SPC25: variants seen among roughly 807,000 people sequenced by gnomAD.
SPC25 encodes the protein kinetochore protein Spc25.
Under a neutral mutation model 29.6 loss-of-function variants are expected in SPC25, and 22 were observed. The observed-to-expected ratio is 0.74, with a 90% confidence interval of 0.53 to 1.06. The LOEUF is 1.06. Among genes scored for constraint, SPC25 ranks in the 50% least tolerant of loss-of-function variants. SPC25 has a pLI of 0.00. For synonymous variants in SPC25, 91 were observed against 90.4 expected (o/e 1.01, Z -0.04); for missense variants, 230 against 255.8 (o/e 0.90, Z 0.69).
chr2:168,864,041 C>T (rs1302565917), intron 4 of SPC25, among the ~76,000 whole-genome samples: 1 of 151,462 alleles, frequency 6.6e-6, no homozygotes, highest in Middle Eastern at 3.2e-3. Flanking sequence ...CTCCCAAGCT[C>T]ACTGCAACCT....
Position 168,890,302 on chromosome 2 carries a change from C to T in SPC25, c.-15+16G>A, listed in dbSNP as rs1690373248. Reference sequence around the variant, plus strand: ...AGGGGGGCCAAGGAGCCCAGCTCGGCGCCCAACTCCCTTACCTTCGCAGGC... The same window carrying T: ...AGGGGGGCCAAGGAGCCCAGCTCGGTGCCCAACTCCCTTACCTTCGCAGGC... On this transcript the variant is annotated intron_variant, in intron 1 of 6. Coordinates refer to ENST00000282074, the MANE Select transcript of SPC25 (RefSeq NM_020675.4). 2.0e-6 allele frequency: 2 copies of T among 982,114 alleles called. No individual in the cohort carries two copies. Among genetic ancestry groups the T allele is most frequent in the Non-Finnish European group, 2.4e-6 (2 of 826,884 alleles). 60.8% of individuals were successfully genotyped at this position (982,114 alleles called of 1,614,324 possible).
At chr2:168,873,739 C>G (rs950247106) in intron 5 of SPC25, 56 bp from the exon 6 acceptor site, 10 of 1,115,588 alleles carry the variant, frequency 9.0e-6, no homozygotes, top group Non-Finnish European at 1.4e-5. Flanking sequence ...GATACCCTTT[C>G]TTACTCCATC....
At position 168,862,000 on chromosome 2, in the gene SPC25, C is replaced by T. The variant is rs757389670; in HGVS notation, n.419+11585G>A. 2.4e-5 allele frequency: 38 copies of T among 1,614,048 alleles called. 1 individual carries two copies. In the African/African-American group the frequency reaches 3.6e-4, roughly 15 times the overall value. On this transcript the variant is annotated intron_variant and non_coding_transcript_variant, in intron 4 of 4. Coordinates refer to the SPC25 transcript ENST00000479309. ...AGCTCAGCAGCAGACTTTGCAAGGC[C>T]TTGTATTCTTTTCAAGCCAGGCAAG... is the stretch of plus-strand genomic sequence containing the variant.
At position 168,871,284 on chromosome 2, in the gene SPC25, A is replaced by G. The variant is rs1689977600; in HGVS notation, c.*147T>C. 2 of 671,052 alleles carry G rather than the reference A, an allele frequency of 3.0e-6. No individual in the cohort carries two copies. Among genetic ancestry groups the G allele is most frequent in the Non-Finnish European group, 4.7e-6 (2 of 427,932 alleles). The allele number at this position is 671,052 out of a possible 1,614,324, so 41.6% of individuals were successfully genotyped here. A position where few individuals can be genotyped will look rare whatever the true frequency, so the allele number is the denominator to read the frequency against. ...ACGAGTTAATGGGTGCAGCACACCAATATGGCACATGTATACATATGTAAC... is the reference window on the plus strand; with the variant it reads ...ACGAGTTAATGGGTGCAGCACACCAGTATGGCACATGTATACATATGTAAC... On this transcript the variant is annotated 3_prime_UTR_variant, in exon 7 of 7. Coordinates refer to ENST00000282074, the MANE Select transcript of SPC25 (RefSeq NM_020675.4).
chr2:168,872,805 C>G (rs989711151), intron 6 of SPC25, among the ~76,000 whole-genome samples: 1 of 152,050 alleles, frequency 6.6e-6, no homozygotes, highest in African/African-American at 2.4e-5. Flanking sequence ...TATAAGAAAT[C>G]AGATTCTCAA....
At chr2:168,863,489 G>A (rs911799443) in intron 4 of SPC25, 2 of 985,214 alleles carry the variant, frequency 2.0e-6, no homozygotes, top group Admixed American at 1.2e-4. Context: ...CCTGAAGGGG[G>A]CAGATCTTTC....
chr2:168,865,100 A>G (rs1030573945), intron 4 of SPC25: 43 of 934,164 alleles, frequency 4.6e-5, no homozygotes, highest in Non-Finnish European at 6.2e-5. Context: ...TGCATGTCAC[A>G]GCACTTTGCA....
At chr2:168,868,468 T>C (rs1689914182), downstream of SPC25, among the ~76,000 whole-genome samples, 1 of 151,826 alleles carries the variant, frequency 6.6e-6, no homozygotes, top group Non-Finnish European at 1.5e-5. Flanking sequence ...GCAAGACTAA[T>C]TAAGAAGAAA....
intron 4 of SPC25, chr2:168,865,587 C>A (rs143890740): frequency 6.6e-6 from 1 of 152,286 alleles, no homozygotes; most frequent in Non-Finnish European, 1.5e-5. Context: ...TCTCACCACT[C>A]CTATTCAACA....
At chr2:168,889,587 C>A in intron 1 of SPC25, 54 bp from the exon 2 acceptor site, 1 of 1,535,146 alleles carries the variant, frequency 6.5e-7, no homozygotes, top group South Asian at 1.2e-5. Flanking sequence ...AAATCACCCA[C>A]ATATTCCAAT....
At chr2:168,863,508 T>A in intron 4 of SPC25, 1 of 985,406 alleles carries the variant, frequency 1.0e-6, no homozygotes, top group Non-Finnish European at 1.2e-6. Flanking sequence ...TCTACTTTTA[T>A]GACAAGAGCC....
At chr2:168,869,239 C>G (rs1322227792), downstream of SPC25, among the ~76,000 whole-genome samples, 2 of 152,190 alleles carry the variant, frequency 1.3e-5, no homozygotes, top group African/African-American at 4.8e-5. Context: ...GACAAACCCA[C>G]AGCCAATATC....
At chr2:168,879,478 C>G (rs1034058688) in intron 3 of SPC25, among the ~76,000 whole-genome samples, 1 of 152,216 alleles carries the variant, frequency 6.6e-6, no homozygotes, top group Admixed American at 6.5e-5. Flanking sequence ...TCTGAGATGG[C>G]AGCAATTCGG....
chr2:168,870,269 G>C (rs1689953744), downstream of SPC25, among the ~76,000 whole-genome samples: 1 of 151,658 alleles, frequency 6.6e-6, no homozygotes, highest in Non-Finnish European at 1.5e-5. Context: ...AGAAAACCTA[G>C]GCAATACCAT....
chr2:168,884,728 T>A (rs969151678), intron 3 of SPC25: 1 of 152,066 alleles, frequency 6.6e-6, no homozygotes, highest in African/African-American at 2.4e-5. Context: ...GGAGAGGAAA[T>A]GTAATGCTCT....
intron 3 of SPC25, among the ~76,000 whole-genome samples, chr2:168,887,079 A>C (rs1400387973): frequency 6.6e-6 from 1 of 152,118 alleles, no homozygotes; most frequent in African/African-American, 2.4e-5. Context: ...TACAGAGGGA[A>C]TGAGAGAAGC....
intron 3 of SPC25, among the ~76,000 whole-genome samples, chr2:168,885,871 G>C (rs1356326351): frequency 6.6e-6 from 1 of 152,050 alleles, no homozygotes; most frequent in Non-Finnish European, 1.5e-5. Context: ...ATACCTCTTA[G>C]GGTTGTTGTG....
chr2:168,880,629 A>G (rs781587389), intron 3 of SPC25, among the ~76,000 whole-genome samples: 52 of 152,254 alleles, frequency 3.4e-4, no homozygotes, highest in African/African-American at 1.1e-3. Flanking sequence ...CTTTCAGCCT[A>G]TCTCAGCTTT....
At chr2:168,889,804 A>C (rs939269333) in intron 1 of SPC25, among the ~76,000 whole-genome samples, 4 of 152,142 alleles carry the variant, frequency 2.6e-5, no homozygotes, top group Non-Finnish European at 5.9e-5. Flanking sequence ...CCCTGGGTCC[A>C]TTTTCTCACA....
Sources: gnomAD v4.1 joint callset for allele counts (sites outside exome capture counted in the v4.1 genomes callset) on GRCh38, gnomAD v4.1.1 for gene constraint, MANE v1.5 for transcripts, NCBI Gene and HGNC (gene_info 2026-07-23, HGNC 2026-07-21) for gene names.